The following ARID1B variants were observed in gnomAD, a reference collection of about 807,000 sequenced individuals.
ARID1B encodes AT-rich interaction domain 1B.
In ARID1B, 30 loss-of-function variants were observed where a neutral mutation model predicts 212.3. The ratio of observed to expected loss-of-function variants is 0.14; its 90% CI spans 0.11 to 0.19. The LOEUF is 0.19. ARID1B is among the 10% of genes least tolerant of loss of function. The pLI is 1.00. For synonymous variants in ARID1B, 1,402 were observed against 1,301.7 expected, an observed-to-expected ratio of 1.08 and a Z score of -1.66; for missense variants, 2,891 against 3,204.0, an observed-to-expected ratio of 0.90 and a Z score of 2.36.
At chr6:156,823,173 G>A (rs1241111568) in intron 1 of ARID1B, among the ~76,000 whole-genome samples, 1 of 151,964 alleles carries the variant, frequency 6.6e-6, no homozygotes, top group African/African-American at 2.4e-5. Flanking sequence ...GGTGTGTTAC[G>A]GCCGGGCCAT....
intron 1 of ARID1B, among the ~76,000 whole-genome samples, chr6:156,808,116 G>A (rs191782167): frequency 6.6e-6 from 1 of 152,324 alleles, no homozygotes; most frequent in East Asian, 1.9e-4. Flanking sequence ...AGCAGAGGTA[G>A]ATATTTCAAA....
At chr6:156,892,149 C>T (rs140499852) in intron 2 of ARID1B, among the ~76,000 whole-genome samples, 130 of 151,246 alleles carry the variant, frequency 8.6e-4, no homozygotes, top group Non-Finnish European at 1.6e-3. Flanking sequence ...CCAGCCACCT[C>T]GGCCTCCCAA....
intron 1 of ARID1B, among the ~76,000 whole-genome samples, chr6:156,788,240 C>T (rs1779777407): frequency 6.6e-6 from 1 of 152,138 alleles, no homozygotes; most frequent in Non-Finnish European, 1.5e-5. Flanking sequence ...CAGACATATT[C>T]TGTGAATATA....
At chr6:157,141,005 G>C in intron 7 of ARID1B, 1 of 235,004 alleles carries the variant, frequency 4.3e-6, no homozygotes, top group Non-Finnish European at 8.1e-6. Flanking sequence ...CACAGAGCCT[G>C]GCATGTAAGA....
intron 8 of ARID1B, among the ~76,000 whole-genome samples, chr6:157,157,397 T>G (rs1299275913): frequency 6.6e-6 from 1 of 152,204 alleles, no homozygotes; most frequent in South Asian, 2.1e-4. Context: ...TCTTTGGAAT[T>G]ACGTGTGTGC....
chr6:157,072,481 G>C (rs1169756158), intron 4 of ARID1B: 3 of 152,188 alleles, frequency 2.0e-5, no homozygotes, highest in Non-Finnish European at 4.4e-5. Context: ...AAATAAGCCT[G>C]CATGCTCATA....
chr6:156,869,064 A>G (rs1035629582), intron 2 of ARID1B, among the ~76,000 whole-genome samples: 2 of 152,200 alleles, frequency 1.3e-5, no homozygotes, highest in African/African-American at 4.8e-5. Context: ...TTGCCTCTAA[A>G]GCGTTAAATT....
intron 4 of ARID1B, chr6:156,937,961 A>G (rs1450045425): frequency 7.1e-6 from 1 of 140,542 alleles, no homozygotes; most frequent in African/African-American, 3.1e-5. Flanking sequence ...AACACATTTC[A>G]ATAATCTTTA....
upstream of ARID1B, chr6:156,776,213 T>C (rs1228617782): frequency 6.6e-6 from 1 of 152,216 alleles, no homozygotes; most frequent in Non-Finnish European, 1.5e-5. Flanking sequence ...TGCCTAAGGT[T>C]AAGAAGTCTT....
At chr6:156,834,387 C>T (rs1193595500) in intron 2 of ARID1B, among the ~76,000 whole-genome samples, 1 of 152,190 alleles carries the variant, frequency 6.6e-6, no homozygotes, top group African/African-American at 2.4e-5. Flanking sequence ...GTTTTACATT[C>T]AGACTCTTAA....
chr6:156,792,542 C>T (rs1216576839), intron 1 of ARID1B, among the ~76,000 whole-genome samples: 2 of 152,116 alleles, frequency 1.3e-5, no homozygotes, highest in Non-Finnish European at 2.9e-5. Context: ...AACATACTTG[C>T]AGTTAGTGTA....
chr6:156,845,071 T>C (rs1427753170), intron 2 of ARID1B, among the ~76,000 whole-genome samples: 1 of 47,022 alleles, frequency 2.1e-5, no homozygotes, highest in East Asian at 3.8e-4. Flanking sequence ...TAAAAAGCTC[T>C]GTCTCCGTAA....
At chr6:156,906,655 G>T (rs1395881356) in intron 3 of ARID1B, among the ~76,000 whole-genome samples, 3 of 150,768 alleles carry the variant, frequency 2.0e-5, no homozygotes, top group African/African-American at 7.3e-5. Flanking sequence ...CTGTTGTTTC[G>T]GGCACTGTTG....
intron 7 of ARID1B, among the ~76,000 whole-genome samples, chr6:157,145,171 G>A (rs1038908946): frequency 6.6e-6 from 1 of 152,182 alleles, no homozygotes; most frequent in African/African-American, 2.4e-5. Context: ...TAAGGAAGCT[G>A]CTGACTTGAC....
At chr6:156,870,793 GAT>G (rs1786066579) in intron 2 of ARID1B, among the ~76,000 whole-genome samples, 1 of 151,198 alleles carries the variant, frequency 6.6e-6, no homozygotes, top group African/African-American at 2.4e-5. Context: ...GCACATTATA[GAT>G]ATGTTTACAT....
At chr6:156,898,350 G>A (rs1788655199) in intron 2 of ARID1B, among the ~76,000 whole-genome samples, 1 of 152,184 alleles carries the variant, frequency 6.6e-6, no homozygotes, top group Non-Finnish European at 1.5e-5. Flanking sequence ...CCCTCCTTGT[G>A]TGGGCAGTGT....
chr6:156,871,171 T>TA (rs1170733782), intron 2 of ARID1B, among the ~76,000 whole-genome samples: 1 of 152,192 alleles, frequency 6.6e-6, no homozygotes, highest in East Asian at 1.9e-4. Flanking sequence ...TACGGTTTCT[T>TA]ACATATACCA....
intron 3 of ARID1B, among the ~76,000 whole-genome samples, chr6:156,928,768 G>A (rs562482687): frequency 6.6e-6 from 1 of 152,188 alleles, no homozygotes; most frequent in Non-Finnish European, 1.5e-5. Flanking sequence ...GATAAGGAGT[G>A]TGGCTTTGCC....
chr6:156,822,406 T>C (rs1782415309), intron 1 of ARID1B, among the ~76,000 whole-genome samples: 1 of 152,240 alleles, frequency 6.6e-6, no homozygotes, highest in Admixed American at 6.5e-5. Context: ...AGACCAGAGA[T>C]GGGACTGTGG....
Sources: allele counts gnomAD v4.1 joint callset (sites outside exome capture counted in the v4.1 genomes callset), GRCh38; gene constraint gnomAD v4.1.1; transcripts MANE v1.5; gene names NCBI Gene and HGNC (gene_info 2026-07-23, HGNC 2026-07-21).